NAA60: variants seen among roughly 807,000 people sequenced by gnomAD.
NAA60 encodes the protein N-alpha-acetyltransferase 60, NatF catalytic subunit, also known as N-alpha-acetyltransferase 60.
In NAA60, 8 loss-of-function variants were observed where a neutral mutation model predicts 26.1. That is an observed-to-expected ratio of 0.31 (90% CI 0.18 to 0.55). The LOEUF is 0.55. NAA60 is among the 20% of genes least tolerant of loss of function. The probability of loss-of-function intolerance (pLI) is 0.93; values close to 1 mark genes in which losing one functional copy is unlikely to be tolerated. For synonymous variants in NAA60, 131 were observed against 122.5 expected, an observed-to-expected ratio of 1.07 and a Z score of -0.46; for missense variants, 290 against 311.3, an observed-to-expected ratio of 0.93 and a Z score of 0.51.
chr16:3,469,258 T>C (rs934533589), intron 2 of NAA60, among the ~76,000 whole-genome samples: 1 of 135,300 alleles, frequency 7.4e-6, no homozygotes, highest in Non-Finnish European at 1.6e-5. Flanking sequence ...ACCCATCCTG[T>C]TTAGAGGGCT....
At chr16:3,448,350 A>C in intron 1 of NAA60, 121 bp from the exon 2 acceptor site, 1 of 671,116 alleles carries the variant, frequency 1.5e-6, no homozygotes, top group Non-Finnish European at 2.4e-6. Context: ...TTTTTCCCCA[A>C]AAGGGCCCAT....
intron 2 of NAA60, among the ~76,000 whole-genome samples, chr16:3,460,154 C>A (rs1170501556): frequency 6.6e-6 from 1 of 152,160 alleles, no homozygotes; most frequent in Non-Finnish European, 1.5e-5. Context: ...TAGGGCAGTG[C>A]ATGGCCTTGC....
chr16:3,478,867 C>T (rs533150111), intron 3 of NAA60, among the ~76,000 whole-genome samples: 5 of 152,260 alleles, frequency 3.3e-5, no homozygotes, highest in East Asian at 3.9e-4. Flanking sequence ...CTTCACTCAC[C>T]TGGTGGAGGA....
At chr16:3,449,473 A>G (rs2034686242) in intron 2 of NAA60, among the ~76,000 whole-genome samples, 1 of 151,676 alleles carries the variant, frequency 6.6e-6, no homozygotes, top group Non-Finnish European at 1.5e-5. Context: ...AGCCGAGATC[A>G]CACCACTGTA....
chr16:3,445,084 A>G (rs935927678), intron 1 of NAA60, among the ~76,000 whole-genome samples: 9 of 152,208 alleles, frequency 5.9e-5, no homozygotes, highest in African/African-American at 1.9e-4. Flanking sequence ...GTGAAGTCCC[A>G]GTAAAGGTGC....
intron 4 of NAA60, among the ~76,000 whole-genome samples, chr16:3,480,676 G>GGGAGGCCCAGGT (rs975328041): frequency 2.0e-5 from 3 of 150,900 alleles, no homozygotes; most frequent in African/African-American, 7.3e-5. Flanking sequence ...CCGGCATTTT[G>GGGAGGCCCAGGT]GGCAGATCAC....
At chr16:3,472,704 A>T (rs557979431) in intron 2 of NAA60, among the ~76,000 whole-genome samples, 1 of 152,322 alleles carries the variant, frequency 6.6e-6, no homozygotes, top group Admixed American at 6.5e-5. Flanking sequence ...AAGTGCTGGG[A>T]TTACAGGCAT....
intron 4 of NAA60, 22 bp from the exon 5 acceptor site, chr16:3,482,480 T>C (rs2036900136): frequency 6.4e-7 from 1 of 1,571,260 alleles, no homozygotes; most frequent in Non-Finnish European, 8.7e-7. Flanking sequence ...GAGCCTGACT[T>C]TCTCTCTGAC....
chr16:3,446,622 T>TC (rs1319246324), intron 1 of NAA60, among the ~76,000 whole-genome samples: 2 of 150,598 alleles, frequency 1.3e-5, no homozygotes, highest in East Asian at 3.9e-4. Context: ...ATTATTTGTT[T>TC]TTTTTTTTTT....
intron 2 of NAA60, among the ~76,000 whole-genome samples, chr16:3,451,383 A>G (rs540561863): frequency 2.6e-5 from 4 of 152,308 alleles, no homozygotes; most frequent in African/African-American, 9.6e-5. Context: ...TCACCAATGT[A>G]TCCTTTTGTT....
chr16:3,476,144 TGTCTC>T, intron 2 of NAA60, 73 bp from the exon 3 acceptor site: 1 of 1,116,288 alleles, frequency 9.0e-7, no homozygotes, highest in Non-Finnish European at 1.3e-6. Flanking sequence ...CGTGCTCTTC[TGTCTC>T]GCCTGCCTCA....
At chr16:3,444,655 A>G (rs751395211) in intron 1 of NAA60, among the ~76,000 whole-genome samples, 1 of 152,226 alleles carries the variant, frequency 6.6e-6, no homozygotes, top group Non-Finnish European at 1.5e-5. Context: ...GCTACAAGTA[A>G]CAGAAAACCC....
At chr16:3,473,813 C>T (rs2150998160) in intron 2 of NAA60, among the ~76,000 whole-genome samples, 1 of 152,212 alleles carries the variant, frequency 6.6e-6, no homozygotes, top group East Asian at 1.9e-4. Context: ...TGGCTCACTG[C>T]AACCTCTGCT....
At chr16:3,468,521 T>C (rs11077340) in intron 2 of NAA60, among the ~76,000 whole-genome samples, 9,340 of 152,224 alleles carry the variant, frequency 0.061, 376 homozygotes, top group Admixed American at 0.084. Context: ...CTTGGTACCG[T>C]GTCCGGAGAG....
At chr16:3,465,183 C>T (rs1471693843) in intron 2 of NAA60, among the ~76,000 whole-genome samples, 1 of 150,798 alleles carries the variant, frequency 6.6e-6, no homozygotes, top group African/African-American at 2.4e-5. Context: ...AGGAGAATGG[C>T]GTGAACCCGG....
At chr16:3,482,623 T>G in intron 5 of NAA60, 25 bp downstream of exon 5, 1 of 1,540,534 alleles carries the variant, frequency 6.5e-7, no homozygotes, top group Non-Finnish European at 8.8e-7. Context: ...GCCCGCGGCT[T>G]GGCGCCCACC....
intron 1 of NAA60, among the ~76,000 whole-genome samples, chr16:3,444,072 G>A (rs1269160908): frequency 6.6e-6 from 1 of 152,158 alleles, no homozygotes; most frequent in Non-Finnish European, 1.5e-5. Flanking sequence ...ATTACGTATT[G>A]TACCCGCAGC....
intron 2 of NAA60, among the ~76,000 whole-genome samples, chr16:3,467,176 C>T (rs2035819431): frequency 1.3e-5 from 2 of 152,124 alleles, no homozygotes; most frequent in African/African-American, 4.8e-5. Context: ...CCCAGCGATC[C>T]TGAGGTAGGT....
intron 3 of NAA60, among the ~76,000 whole-genome samples, chr16:3,479,085 A>G (rs2036665464): frequency 6.6e-6 from 1 of 152,038 alleles, no homozygotes; most frequent in Non-Finnish European, 1.5e-5. Flanking sequence ...AAAAAAAAAT[A>G]CAAAATTAGC....
Sources: allele counts gnomAD v4.1 joint callset (sites outside exome capture counted in the v4.1 genomes callset), GRCh38; gene constraint gnomAD v4.1.1; transcripts MANE v1.5; gene names NCBI Gene and HGNC (gene_info 2026-07-23, HGNC 2026-07-21).